TBX19: variants seen among roughly 807,000 people sequenced by gnomAD.
TBX19 encodes the protein T-box transcription factor 19, also known as T-box transcription factor TBX19.
A neutral mutation model predicts 40.9 loss-of-function variants in TBX19; 33 were observed. The observed-to-expected ratio is 0.81, with a 90% CI of 0.61 to 1.08. The LOEUF is 1.08. TBX19 is among the 50% of genes least tolerant of loss of function. The pLI, the probability that TBX19 is intolerant of heterozygous loss-of-function variation, is 0.00. For missense variants in TBX19, 494 were observed against 574.0 expected, an observed-to-expected ratio of 0.86 and a Z score of 1.42; for synonymous variants, 220 against 225.0, an observed-to-expected ratio of 0.98 and a Z score of 0.20.
intron 5 of TBX19, among the ~76,000 whole-genome samples, chr1:168,300,857 A>C (rs1328136571): frequency 6.6e-6 from 1 of 152,034 alleles, no homozygotes; most frequent in Non-Finnish European, 1.5e-5. Flanking sequence ...AGTGTTTGCT[A>C]ATTTTGGAGT....
At chr1:168,286,322 G>A (rs1438395642) in intron 1 of TBX19, among the ~76,000 whole-genome samples, 1 of 152,170 alleles carries the variant, frequency 6.6e-6, no homozygotes, top group African/African-American at 2.4e-5. Context: ...GCAGAGTTGT[G>A]CATCCATCTC....
At chr1:168,300,544 C>T in intron 5 of TBX19, 61 bp downstream of exon 5, 1 of 1,468,258 alleles carries the variant, frequency 6.8e-7, no homozygotes, top group Middle Eastern at 1.7e-4. Context: ...CAGCTCCTTC[C>T]ACACTCAGAC....
chr1:168,286,383 C>T, intron 1 of TBX19, among the ~76,000 whole-genome samples: 1 of 152,238 alleles, frequency 6.6e-6, no homozygotes, highest in East Asian at 1.9e-4. Context: ...GCCCTGCGCC[C>T]TTAGCAGTCA....
At chr1:168,284,568 A>C (rs1648756093) in intron 1 of TBX19, among the ~76,000 whole-genome samples, 1 of 151,984 alleles carries the variant, frequency 6.6e-6, no homozygotes, top group South Asian at 2.1e-4. Flanking sequence ...TGAGCTCAGA[A>C]GTTTTAGAAC....
intron 6 of TBX19, 90 bp downstream of exon 6, chr1:168,305,286 C>G: frequency 8.0e-7 from 1 of 1,253,284 alleles, no homozygotes; most frequent in Non-Finnish European, 1.2e-6. Context: ...AAAGGAGTAG[C>G]TAAAGATGGA....
intron 3 of TBX19, among the ~76,000 whole-genome samples, chr1:168,293,574 C>T (rs570757669): frequency 2.0e-5 from 3 of 152,186 alleles, no homozygotes; most frequent in East Asian, 1.9e-4. Flanking sequence ...GTTGTCAGGA[C>T]CCTATGTGTC....
chr1:168,290,647 C>T (rs1247660116), intron 1 of TBX19, among the ~76,000 whole-genome samples: 1 of 152,166 alleles, frequency 6.6e-6, no homozygotes, highest in Non-Finnish European at 1.5e-5. Flanking sequence ...AACTCCTGTG[C>T]TCAAGCAATC....
intron 1 of TBX19, 40 bp downstream of exon 1, chr1:168,281,333 G>A: frequency 6.3e-7 from 1 of 1,593,738 alleles, no homozygotes; most frequent in Middle Eastern, 1.7e-4. Context: ...GGCAGGGCTT[G>A]GCAGGAGAGA....
chr1:168,298,831 CTTTCTT>C (rs1558192786), intron 4 of TBX19, among the ~76,000 whole-genome samples: 1 of 34,558 alleles, frequency 2.9e-5, no homozygotes, highest in African/African-American at 1.8e-4. Context: ...TCCTTTCTTT[CTTTCTT>C]TCTTTCTTTC....
intron 1 of TBX19, among the ~76,000 whole-genome samples, chr1:168,282,461 A>G (rs996893965): frequency 1.7e-4 from 26 of 152,234 alleles, no homozygotes; most frequent in African/African-American, 6.3e-4. Flanking sequence ...AGAAATTGCG[A>G]TTATACCAGT....
intron 1 of TBX19, among the ~76,000 whole-genome samples, chr1:168,286,191 C>T (rs577241125): frequency 6.6e-6 from 1 of 152,340 alleles, no homozygotes; most frequent in Non-Finnish European, 1.5e-5. Context: ...GATATGTCCT[C>T]CTTCTAAGAG....
rs371273315 is a variant in TBX19, at chr1:168,300,499, A to C, written c.727+16A>C. 9.3e-5 allele frequency: 150 copies of C among 1,613,656 alleles called. No individual in the cohort carries two copies. The highest frequency in any genetic ancestry group is 1.2e-4 in the Non-Finnish European group (140 of 1,179,824). ...TATTCTCACTGTGAGTTGGGTGTAC[A>C]TGAGGCGGGAGGTGCGTGGGGCTGT... On this transcript the variant is annotated intron_variant, in intron 5 of 7. Coordinates refer to ENST00000367821, the MANE Select transcript of TBX19 (RefSeq NM_005149.3).
chr1:168,304,895 C>CT, intron 5 of TBX19, 113 bp from the exon 6 acceptor site: 1 of 1,077,848 alleles, frequency 9.3e-7, no homozygotes, highest in Non-Finnish European at 1.4e-6. Flanking sequence ...ATCACACAGG[C>CT]TGGCATCAGT....
intron 2 of TBX19, among the ~76,000 whole-genome samples, chr1:168,292,832 C>CCAGCCTG (rs1258182463): frequency 1.3e-5 from 2 of 148,680 alleles, no homozygotes; most frequent in Non-Finnish European, 3.0e-5. Flanking sequence ...CCACTGCACT[C>CCAGCCTG]CAGCCTGGGT....
At chr1:168,312,134 C>G (rs1222266353) in intron 7 of TBX19, among the ~76,000 whole-genome samples, 1 of 152,184 alleles carries the variant, frequency 6.6e-6, no homozygotes, top group African/African-American at 2.4e-5. Flanking sequence ...GTACTACATG[C>G]TAAGGACCAT....
intron 1 of TBX19, among the ~76,000 whole-genome samples, chr1:168,286,636 A>G (rs147259232): frequency 1.4e-4 from 22 of 152,308 alleles, no homozygotes; most frequent in Admixed American, 4.6e-4. Flanking sequence ...CAGTTCATGG[A>G]CATTTGCATT....
chr1:168,305,814 C>T (rs796242807), intron 6 of TBX19, among the ~76,000 whole-genome samples: 79 of 152,184 alleles, frequency 5.2e-4, no homozygotes, highest in African/African-American at 1.7e-3. Flanking sequence ...TAGGCCCAGA[C>T]CTTGCCTGAT....
At chr1:168,296,751 G>A (rs1312777590) in intron 3 of TBX19, among the ~76,000 whole-genome samples, 2 of 152,130 alleles carry the variant, frequency 1.3e-5, no homozygotes, top group Non-Finnish European at 2.9e-5. Context: ...GCTCATGCCT[G>A]TAATCCCAGC....
rs1434709449 is a variant in TBX19, at chr1:168,281,101, G to A, written c.11G>A (p.Ser4Asn). Reference protein sequence around the residue: MAMSELGTRKPSDG... With the variant: MAMNELGTRKPSDG... The stretch of plus-strand genomic sequence containing the variant: ...GTTCGAGAAGTGCCTATGGCCATGA[G>A]TGAGCTGGGCACTCGGAAGCCCAGC... Residue 4 changes from serine to asparagine, a missense_variant, in exon 1 of 8, where the codon AGT (serine) becomes AAT (asparagine). Physicochemically the swap from Ser to Asn is conservative, Grantham distance 46 (BLOSUM62 1). Transcript: ENST00000367821. 3 of 1,614,134 alleles carry A rather than the reference G, an allele frequency of 1.9e-6. No individual in the cohort carries two copies. Among genetic ancestry groups the A allele is most frequent in the East Asian group, 2.2e-5 (1 of 44,872 alleles).
Sources: gnomAD v4.1 joint callset for allele counts (sites outside exome capture counted in the v4.1 genomes callset) on GRCh38, gnomAD v4.1.1 for gene constraint, MANE v1.5 for transcripts, NCBI Gene and HGNC (gene_info 2026-07-23, HGNC 2026-07-21) for gene names.